COQ8A: variants seen among roughly 807,000 people sequenced by gnomAD.
The protein encoded by COQ8A is coenzyme Q8A, also known as atypical kinase COQ8A, mitochondrial.
COQ8A carries 51 observed loss-of-function variants against 65.0 expected under a neutral mutation model. That is an observed-to-expected ratio of 0.78 (90% CI 0.63 to 0.99). COQ8A has a LOEUF of 0.99. Among genes scored for constraint, COQ8A ranks in the 50% least tolerant of loss-of-function variants. The pLI is 0.00. For missense variants in COQ8A, 940 were observed against 875.0 expected, an observed-to-expected ratio of 1.07 and a Z score of -0.94; for synonymous variants, 371 against 353.2, an observed-to-expected ratio of 1.05 and a Z score of -0.57.
At chr1:226,956,283 T>C (rs141876767) in intron 1 of COQ8A, among the ~76,000 whole-genome samples, 60,332 of 62,368 alleles carry the variant, frequency 0.97, 29,648 homozygotes, top group Admixed American at 0.97. Flanking sequence ...CTCCCTGGCT[T>C]CCACTCTCCC....
intron 1 of COQ8A, among the ~76,000 whole-genome samples, chr1:226,945,175 C>T (rs1161509466): frequency 6.6e-6 from 1 of 152,202 alleles, no homozygotes; most frequent in African/African-American, 2.4e-5. Context: ...TCCTCCAGGT[C>T]AGTCGCCTCA....
chr1:226,944,220 C>G (rs960149599), intron 1 of COQ8A, among the ~76,000 whole-genome samples: 1 of 151,862 alleles, frequency 6.6e-6, no homozygotes, highest in African/African-American at 2.4e-5. Flanking sequence ...CCTCAGGTGT[C>G]ACAGAGGGGC....
At chr1:226,965,500 G>T (rs1383753149) in intron 3 of COQ8A, 90 bp downstream of exon 3, 1 of 1,555,848 alleles carries the variant, frequency 6.4e-7, no homozygotes. Context: ...TTTCCTGGGT[G>T]CTGTGGTCTG....
chr1:226,941,776 A>G (rs1328921289), intron 1 of COQ8A, among the ~76,000 whole-genome samples: 2 of 135,292 alleles, frequency 1.5e-5, no homozygotes, highest in Admixed American at 1.4e-4. Context: ...CTCAATCTCA[A>G]AAAAAAAAAA....
chr1:226,960,323 G>A lies in COQ8A; in HGVS notation c.-9-1054G>A, dbSNP rs114973463. ...TTGGTGGTGGTGGCGGTACTTGGTG[G>A]TGGTATCAGTGGTACTTGGTGGTGG... On this transcript the variant is annotated intron_variant, in intron 1 of 14. Transcript: ENST00000366777. 3.4e-3 allele frequency among the ~76,000 whole-genome samples: 422 copies of A among 125,806 alleles called. 12 individuals are homozygous for A. The highest frequency in any genetic ancestry group is 0.014 in the African/African-American group (384 of 28,410). The allele number at this position is 125,806 out of a possible 152,430, so 82.5% of individuals were successfully genotyped here. A position where few individuals can be genotyped will look rare whatever the true frequency, so the allele number is the denominator to read the frequency against.
At chr1:226,977,358 C>A in intron 4 of COQ8A, 91 bp from the exon 5 acceptor site, 2 of 1,258,756 alleles carry the variant, frequency 1.6e-6, no homozygotes, top group Non-Finnish European at 2.2e-6. Flanking sequence ...CAAGCGGTGT[C>A]TGTGTGGTGC....
rs1254328836 is a variant in COQ8A, at chr1:226,949,936, C to T, written c.-10+9537C>T. Among the ~76,000 whole-genome samples, 1 of 152,152 alleles carries T rather than the reference C, an allele frequency of 6.6e-6. No homozygotes were observed. Among genetic ancestry groups the T allele is most frequent in the African/African-American group, 2.4e-5 (1 of 41,432 alleles). On this transcript the variant is annotated intron_variant, in intron 1 of 14. Transcript: ENST00000366777. The surrounding 1 kb of genome is among the most constrained non-coding windows in gnomAD (Gnocchi z 4.0). ...TCAGTGGCAGAGTCATGATGTGAAC[C>T]CAGATCACCTAACCTCAGAGCATCT...
rs1029570392 is a variant in COQ8A at position 226,984,715 on chromosome 1, G to T, written c.1506+60G>T. 4.5e-6 allele frequency: 7 copies of T among 1,541,562 alleles called. No individual in the cohort carries two copies. The South Asian group carries it at 7.8e-5, about 17-fold the overall frequency. Reference sequence around the variant, plus strand: ...CTGAGAGCTTCTCCGAATGGGGCACGTGAGGCCCTGGACTGCCCCTTGTCC... The same window carrying T: ...CTGAGAGCTTCTCCGAATGGGGCACTTGAGGCCCTGGACTGCCCCTTGTCC... On this transcript the variant is annotated intron_variant, in intron 12 of 14. Coordinates refer to ENST00000366777, the MANE Select transcript of COQ8A (RefSeq NM_020247.5).
rs906939753 is a variant in COQ8A at position 226,972,951 on chromosome 1, C to T, written c.656-4498C>T. ...CTCACAGTATCACTTGGTTTCTGGACACGGTTCGAGACCTGGCTGTGGCTT... is the reference window on the plus strand; with the variant it reads ...CTCACAGTATCACTTGGTTTCTGGATACGGTTCGAGACCTGGCTGTGGCTT... On this transcript the variant is annotated intron_variant, in intron 4 of 14. Transcript: ENST00000366777. This position sits in a 1 kb window ranked among gnomAD's most constrained non-coding sequence, Gnocchi z 4.3. Among the ~76,000 whole-genome samples, 7 of 152,254 alleles carry T rather than the reference C, an allele frequency of 4.6e-5. No individual in the cohort carries two copies. Among genetic ancestry groups the T allele is most frequent in the Non-Finnish European group, 1.0e-4 (7 of 68,046 alleles).
intron 2 of COQ8A, 43 bp downstream of exon 2, chr1:226,961,605 G>T: frequency 6.3e-7 from 1 of 1,578,376 alleles, no homozygotes; most frequent in Non-Finnish European, 8.6e-7. Flanking sequence ...CAGGAAGAGG[G>T]TGGGACCTGG....
At chr1:226,973,132 G>T (rs552279756) in intron 4 of COQ8A, among the ~76,000 whole-genome samples, 1 of 152,248 alleles carries the variant, frequency 6.6e-6, no homozygotes, top group Non-Finnish European at 1.5e-5. Context: ...CAAGTGGCAG[G>T]CAGTGACGCC....
intron 1 of COQ8A, among the ~76,000 whole-genome samples, chr1:226,945,799 C>T (rs945436781): frequency 9.2e-5 from 14 of 152,196 alleles, no homozygotes; most frequent in African/African-American, 1.4e-4. Flanking sequence ...ACGGGGGTGA[C>T]GCAGAGGAAG....
In COQ8A at chr1:226,983,883, G is replaced by A. The variant is rs756228992; in HGVS notation, c.1256+29G>A. 7.5e-6 allele frequency: 12 copies of A among 1,600,048 alleles called. No individual in the cohort carries two copies. In the Admixed American group the frequency reaches 1.5e-4, roughly 20 times the overall value. On this transcript the variant is annotated intron_variant, in intron 10 of 14. Coordinates refer to ENST00000366777, the MANE Select transcript of COQ8A (RefSeq NM_020247.5). ...TGGCCCCCGGCCGGGCCCCTTGCGT[G>A]TTTGCACCAGGGAGGCAGAAGGGAC...
chr1:226,984,635 T>C lies in COQ8A; in HGVS notation c.1486T>C (p.Tyr496His). 6.2e-7 allele frequency: 1 copy of C among 1,614,116 alleles called. No homozygotes were observed. ...AGACCCCAACTGGTCCAACTTCTTCTATGACCCCCAGCAGCACAAGGTGAG... is the reference window on the plus strand; with the variant it reads ...AGACCCCAACTGGTCCAACTTCTTCCATGACCCCCAGCAGCACAAGGTGAG... Reference protein sequence around the residue: ...QTDPNWSNFFYDPQQHKVALL... With the variant: ...QTDPNWSNFFHDPQQHKVALL... Residue 496 changes from tyrosine to histidine, a missense_variant, in exon 12 of 15, where the codon TAT becomes CAT. Coordinates refer to ENST00000366777, the MANE Select transcript of COQ8A (RefSeq NM_020247.5).
intron 1 of COQ8A, among the ~76,000 whole-genome samples, chr1:226,957,281 G>GGGC (rs1296588868): frequency 1.0e-4 from 3 of 29,222 alleles, no homozygotes; most frequent in Admixed American, 4.8e-4. Flanking sequence ...CACTCTCCCT[G>GGGC]CCCCCCCCCC....
intron 1 of COQ8A, among the ~76,000 whole-genome samples, chr1:226,944,240 T>A (rs185282450): frequency 3.3e-4 from 50 of 151,500 alleles, no homozygotes; most frequent in Admixed American, 1.9e-3. Context: ...CAGCTTGGGG[T>A]TGGGGCCAGA....
chr1:226,970,470 G>A (rs1388630409), intron 4 of COQ8A, among the ~76,000 whole-genome samples: 1 of 152,164 alleles, frequency 6.6e-6, no homozygotes, highest in Non-Finnish European at 1.5e-5. Context: ...CGGTATTTGT[G>A]TACCTAAACA....
chr1:226,982,759 T>A lies in COQ8A; in HGVS notation c.935T>A (p.Met312Lys). The change falls in exon 7 of 15, where the codon ATG (methionine) becomes AAG (lysine). Residue 312 changes from methionine to lysine, a missense_variant. Met to Lys is a moderately conservative substitution (Grantham distance 95). Coordinates refer to ENST00000366777, the MANE Select transcript of COQ8A (RefSeq NM_020247.5). ...QSADFMPLKQ[M>K]MKTLNNDLGP... ...GCGGACTTCATGCCACTGAAGCAGA[T>A]GATGGTGAGGAGCCAGGGGCTCTGC... is the stretch of plus-strand genomic sequence containing the variant. 1 of 1,613,574 alleles carries A rather than the reference T, an allele frequency of 6.2e-7. No homozygotes were observed. The highest frequency in any genetic ancestry group is 1.1e-5 in the South Asian group (1 of 91,080).
At chr1:226,952,547 C>T (rs1266804142) in intron 1 of COQ8A, among the ~76,000 whole-genome samples, 2 of 152,094 alleles carry the variant, frequency 1.3e-5, no homozygotes, top group African/African-American at 4.8e-5. Flanking sequence ...TTCTGAGTAG[C>T]TGGGACTACA....
Sources: gnomAD v4.1 joint callset for allele counts (sites outside exome capture counted in the v4.1 genomes callset) on GRCh38, gnomAD v4.1.1 for gene constraint, Gnocchi (gnomAD v3.1) non-coding constraint, MANE v1.5 for transcripts, NCBI Gene and HGNC (gene_info 2026-07-23, HGNC 2026-07-21) for gene names.